ANKAR: variants seen among roughly 807,000 people sequenced by gnomAD.
The protein encoded by ANKAR is ankyrin and armadillo repeat containing.
Under a neutral mutation model 146.2 loss-of-function variants are expected in ANKAR, and 136 were observed. The ratio of observed to expected loss-of-function variants is 0.93; its 90% CI spans 0.81 to 1.07. The LOEUF is 1.07. Among genes scored for constraint, ANKAR ranks in the 50% least tolerant of loss-of-function variants. The probability of loss-of-function intolerance (pLI) is 0.00; values close to 1 mark genes in which losing one functional copy is unlikely to be tolerated. For synonymous variants in ANKAR, 500 were observed against 575.8 expected (o/e 0.87, Z 1.88); for missense variants, 1,567 against 1,679.9 (o/e 0.93, Z 1.18).
rs751907728 is a variant in ANKAR at position 189,676,543 on chromosome 2, A to C, written c.53A>C (p.Glu18Ala). The C allele has an allele frequency of 1.3e-5, 20 of 1,596,214 alleles. No homozygotes were observed. Among genetic ancestry groups the C allele is most frequent in the Non-Finnish European group, 1.7e-5 (20 of 1,174,706 alleles). ...GLPRFEQVQDEDTYLENLAIQ... is the reference protein window; with the variant it reads ...GLPRFEQVQDADTYLENLAIQ... ...CCTAGATTTGAGCAAGTTCAGGATGAAGACACCTACCTGGAAAATTTAGCA... is the reference window on the plus strand; with the variant it reads ...CCTAGATTTGAGCAAGTTCAGGATGCAGACACCTACCTGGAAAATTTAGCA... Residue 18 changes from glutamate (E) to alanine (A), a missense_variant, in exon 2 of 23, where the codon GAA becomes GCA. Transcript: ENST00000684021.
intron 4 of ANKAR, 115 bp from the exon 5 acceptor site, chr2:189,692,959 G>T (rs1400554256): frequency 1.9e-6 from 1 of 533,688 alleles, no homozygotes; most frequent in Non-Finnish European, 3.2e-6. Context: ...CGGGTCTTCT[G>T]GAATAGTAAA....
At chr2:189,754,310 C>T in intron 18 of ANKAR, 5 of 1,611,158 alleles carry the variant, frequency 3.1e-6, no homozygotes, top group East Asian at 2.2e-5. Flanking sequence ...TGGTGGAGCA[C>T]TCTGGATGTT....
chr2:189,744,448 T>C (rs1387571640), intron 21 of ANKAR, among the ~76,000 whole-genome samples: 1 of 152,212 alleles, frequency 6.6e-6, no homozygotes, highest in Non-Finnish European at 1.5e-5. Flanking sequence ...AATATACCCC[T>C]TTCTCAGACC....
intron 16 of ANKAR, 26 bp downstream of exon 16, chr2:189,730,627 A>G (rs993805900): frequency 1.6e-6 from 2 of 1,248,704 alleles, no homozygotes. Flanking sequence ...TTGTTTTCTG[A>G]TATGGTAAAA....
At chr2:189,753,874 T>C in intron 18 of ANKAR, 3 of 1,598,776 alleles carry the variant, frequency 1.9e-6, no homozygotes, top group Non-Finnish European at 2.6e-6. Context: ...AAGTAACATA[T>C]TGCAAAGTGT....
At chr2:189,753,951 G>A (rs776889692) in intron 18 of ANKAR, 7 of 1,613,578 alleles carry the variant, frequency 4.3e-6, no homozygotes, top group South Asian at 1.1e-5. Flanking sequence ...AAGTCTCTCT[G>A]CTTACAAAAC....
Position 189,704,924 on chromosome 2 carries a change from A to C in ANKAR, c.1709-99A>C, listed in dbSNP as rs2038713860. 7 of 1,122,712 alleles carry C rather than the reference A, an allele frequency of 6.2e-6. No individual in the cohort carries two copies. In the South Asian group the frequency reaches 8.5e-5, roughly 14 times the overall value. The allele number at this position is 1,122,712 out of a possible 1,614,324, so 69.5% of individuals were successfully genotyped here. A position where few individuals can be genotyped will look rare whatever the true frequency, so the allele number is the denominator to read the frequency against. On this transcript the variant is annotated intron_variant, in intron 7 of 22. Coordinates refer to ENST00000684021, the MANE Select transcript of ANKAR (RefSeq NM_001378068.1). ...GCTTACTTTGGAGATTTTATATCAT[A>C]CAATACTAAGCTCTGTGGCTGGATA...
intron 1 of ANKAR, among the ~76,000 whole-genome samples, chr2:189,675,503 C>T (rs949336952): frequency 2.2e-4 from 34 of 151,978 alleles, no homozygotes; most frequent in African/African-American, 7.7e-4. Context: ...CATGTACGAC[C>T]ACGTTTGGCT....
At chr2:189,733,296 T>G in intron 17 of ANKAR, 67 bp downstream of exon 17, 1 of 1,326,544 alleles carries the variant, frequency 7.5e-7, no homozygotes, top group African/African-American at 1.5e-5. Context: ...ATCTTCAAAT[T>G]ATCAAGTCTT....
At chr2:189,678,581 T>G (rs2105730145) in intron 2 of ANKAR, among the ~76,000 whole-genome samples, 1 of 152,360 alleles carries the variant, frequency 6.6e-6, no homozygotes, top group Non-Finnish European at 1.5e-5. Flanking sequence ...TTAGATTTAG[T>G]TCTCGATCCA....
chr2:189,714,001 T>C (rs1364818710), intron 10 of ANKAR, among the ~76,000 whole-genome samples: 2 of 151,982 alleles, frequency 1.3e-5, no homozygotes, highest in East Asian at 3.9e-4. Flanking sequence ...CTAACAAATA[T>C]TAAAAAGGAG....
At chr2:189,735,806 T>G (rs1023514340) in intron 17 of ANKAR, among the ~76,000 whole-genome samples, 1 of 152,204 alleles carries the variant, frequency 6.6e-6, no homozygotes, top group Non-Finnish European at 1.5e-5. Context: ...CCACATAAAA[T>G]TAGTTGCATT....
rs1450887542 is a variant in ANKAR at position 189,694,991 on chromosome 2, A to G, written c.1318A>G (p.Ile440Val). 6.6e-7 allele frequency: 1 copy of G among 1,512,270 alleles called. No individual in the cohort carries two copies. The highest frequency in any genetic ancestry group is 2.3e-5 in the East Asian group (1 of 44,000). The allele number at this position is 1,512,270 out of a possible 1,614,324, so 93.7% of individuals were successfully genotyped here. A position where few individuals can be genotyped will look rare whatever the true frequency, so the allele number is the denominator to read the frequency against. The part of the protein sequence containing the change: ...MEFHGKSYYV[I>V]YFELETFYQQ... The stretch of plus-strand genomic sequence containing the variant: ...CTTTATTTTTTATAGCTACTATGTG[A>G]TCTATTTTGAACTAGAAACTTTCTA... Residue 440 changes from isoleucine to valine, a missense_variant, in exon 6 of 23, where the codon ATC (isoleucine) becomes GTC (valine). Coordinates refer to ENST00000684021, the MANE Select transcript of ANKAR (RefSeq NM_001378068.1).
In ANKAR at chr2:189,689,446, C is replaced by T; in HGVS notation, c.602-81C>T. ...TGATAGTAGGATTTCATGATAAAAT[C>T]CTGTGTTCAATCTTCTGTATTTATC... On this transcript the variant is annotated intron_variant, in intron 2 of 22. Coordinates refer to ENST00000684021, the MANE Select transcript of ANKAR (RefSeq NM_001378068.1). 6.1e-6 allele frequency: 7 copies of T among 1,156,594 alleles called. No individual in the cohort carries two copies. The South Asian group carries it at 1.1e-4, about 18-fold the overall frequency. The allele number at this position is 1,156,594 out of a possible 1,614,324, so 71.6% of individuals were successfully genotyped here.
chr2:189,715,321 A>G (rs1252757946), intron 10 of ANKAR, among the ~76,000 whole-genome samples: 2 of 152,194 alleles, frequency 1.3e-5, no homozygotes, highest in Non-Finnish European at 2.9e-5. Flanking sequence ...CCCTACACAA[A>G]TAAACCAGAA....
At chr2:189,710,809 G>T (rs1354654156) in intron 9 of ANKAR, among the ~76,000 whole-genome samples, 1 of 152,068 alleles carries the variant, frequency 6.6e-6, no homozygotes, top group Non-Finnish European at 1.5e-5. Flanking sequence ...TTCAAAAAAA[G>T]AAATTTCAGG....
intron 6 of ANKAR, 73 bp downstream of exon 6, chr2:189,695,234 T>A: frequency 8.0e-7 from 1 of 1,254,654 alleles, no homozygotes; most frequent in Non-Finnish European, 1.1e-6. Context: ...CTCAAACAGA[T>A]GTTTATCCTA....
At chr2:189,719,467 T>C (rs974497076) in intron 10 of ANKAR, 105 bp from the exon 11 acceptor site, 1 of 819,126 alleles carries the variant, frequency 1.2e-6, no homozygotes, top group Non-Finnish European at 1.7e-6. Context: ...TAATTATTTA[T>C]ATTGCAATGC....
intron 2 of ANKAR, among the ~76,000 whole-genome samples, chr2:189,682,032 C>T (rs978463521): frequency 2.0e-5 from 3 of 152,138 alleles, no homozygotes; most frequent in East Asian, 1.9e-4. Flanking sequence ...GGCTGGGAAC[C>T]TTAACAAATC....
Sources: gnomAD v4.1 joint callset for allele counts (sites outside exome capture counted in the v4.1 genomes callset) on GRCh38, gnomAD v4.1.1 for gene constraint, MANE v1.5 for transcripts, NCBI Gene and HGNC (gene_info 2026-07-23, HGNC 2026-07-21) for gene names.